The following CFAP61 variants were observed in gnomAD, a reference collection of about 807,000 sequenced individuals.
CFAP61 encodes the protein cilia- and flagella-associated protein 61.
CFAP61 carries 107 observed loss-of-function variants against 135.6 expected under a neutral mutation model. The observed-to-expected ratio is 0.79, with a 90% CI of 0.67 to 0.93. CFAP61 has a LOEUF of 0.93. Among genes scored for constraint, CFAP61 ranks in the 40% least tolerant of loss-of-function variants. CFAP61 has a pLI of 0.00. For synonymous variants in CFAP61, 575 were observed against 578.5 expected, an observed-to-expected ratio of 0.99 and a Z score of 0.09; for missense variants, 1,507 against 1,556.2, an observed-to-expected ratio of 0.97 and a Z score of 0.53.
At chr20:20,071,921 C>T (rs1441304629) in intron 3 of CFAP61, among the ~76,000 whole-genome samples, 1 of 152,000 alleles carries the variant, frequency 6.6e-6, no homozygotes, top group Non-Finnish European at 1.5e-5. Flanking sequence ...CAGTCCAATG[C>T]TTGCACCTTT....
intron 17 of CFAP61, chr20:20,221,076 A>AGG (rs879665954): frequency 3.4e-3 from 517 of 152,236 alleles, no homozygotes; most frequent in Middle Eastern, 6.8e-3. Context: ...TCATTTCTCC[A>AGG]GTTTGTGGCT....
chr20:20,337,754 A>G (rs1264046460), intron 25 of CFAP61, among the ~76,000 whole-genome samples: 1 of 152,122 alleles, frequency 6.6e-6, no homozygotes, highest in Non-Finnish European at 1.5e-5. Context: ...CATGGAGCAC[A>G]GGGGCTTTGG....
Position 20,071,154 on chromosome 20 carries a change from G to A in CFAP61, c.294+150G>A. The A allele has an allele frequency of 9.6e-6, 8 of 832,784 alleles. No individual in the cohort carries two copies. The South Asian group carries it at 1.4e-4, about 14-fold the overall frequency. The allele number at this position is 832,784 out of a possible 1,614,324, so 51.6% of individuals were successfully genotyped here. A position where few individuals can be genotyped will look rare whatever the true frequency, so the allele number is the denominator to read the frequency against. On this transcript the variant is annotated intron_variant, in intron 3 of 26. Coordinates refer to ENST00000245957, the MANE Select transcript of CFAP61 (RefSeq NM_015585.4). ...AGGGAGCTGGTGGGGAGGAAAAGAG[G>A]GCTGAGAGTAGTGCCAGGGGGGATA...
In CFAP61 at chr20:20,075,557, G is replaced by T; in HGVS notation, c.508G>T (p.Ala170Ser). 6.2e-7 allele frequency: 1 copy of T among 1,614,166 alleles called. No individual in the cohort carries two copies. Among genetic ancestry groups the T allele is most frequent in the South Asian group, 1.1e-5 (1 of 91,088 alleles). Residue 170 changes from alanine to serine, a missense_variant, in exon 6 of 27, where the codon GCA becomes TCA. Coordinates refer to ENST00000245957, the MANE Select transcript of CFAP61 (RefSeq NM_015585.4). The part of the protein sequence containing the change: ...IPCLTYEEDF[A>S]VHICHRHSHY... Reference sequence around the variant, plus strand: ...GTGTCTGACGTATGAGGAAGACTTTGCAGTGCATATATGTCACAGGCACAG... The same window carrying T: ...GTGTCTGACGTATGAGGAAGACTTTTCAGTGCATATATGTCACAGGCACAG...
chr20:20,099,146 C>CACAG (rs1455849456), intron 8 of CFAP61, among the ~76,000 whole-genome samples: 2 of 151,912 alleles, frequency 1.3e-5, no homozygotes, highest in Non-Finnish European at 2.9e-5. Flanking sequence ...CACACACACA[C>CACAG]ACACACACAA....
At chr20:20,326,916 C>A (rs1438415833) in intron 25 of CFAP61, among the ~76,000 whole-genome samples, 1 of 152,016 alleles carries the variant, frequency 6.6e-6, no homozygotes, top group Non-Finnish European at 1.5e-5. Context: ...GGAATATTAC[C>A]ATTCAGGTCT....
chr20:20,081,688 A>AAC (rs1430908265), intron 6 of CFAP61, among the ~76,000 whole-genome samples: 1 of 152,108 alleles, frequency 6.6e-6, no homozygotes, highest in Non-Finnish European at 1.5e-5. Context: ...TTCTCTTGAA[A>AAC]ACTTGAGTGC....
At chr20:20,329,044 TG>T (rs991549504) in intron 25 of CFAP61, among the ~76,000 whole-genome samples, 7 of 152,198 alleles carry the variant, frequency 4.6e-5, no homozygotes, top group Admixed American at 1.3e-4. Context: ...TGGTGGTTTT[TG>T]GCTGGTAGGA....
At chr20:20,122,425 G>T (rs2049727176) in intron 8 of CFAP61, among the ~76,000 whole-genome samples, 1 of 152,172 alleles carries the variant, frequency 6.6e-6, no homozygotes, top group Non-Finnish European at 1.5e-5. Context: ...AAAGTGCTGG[G>T]ATTATAGGCA....
At chr20:20,353,110 AG>A (rs1182915103) in intron 26 of CFAP61, among the ~76,000 whole-genome samples, 1 of 152,210 alleles carries the variant, frequency 6.6e-6, no homozygotes, top group African/African-American at 2.4e-5. Context: ...GACATACAGT[AG>A]GTCCTTGAAT....
In CFAP61 at chr20:20,292,972, C is replaced by T. The variant is rs138177589; in HGVS notation, c.3216+2581C>T. Reference sequence around the variant, plus strand: ...AGAGTGTCAGGGTCATATTGCGGGACGGTGTGTGGGATAGGGACACTGTCG... The same window carrying T: ...AGAGTGTCAGGGTCATATTGCGGGATGGTGTGTGGGATAGGGACACTGTCG... On this transcript the variant is annotated intron_variant, in intron 24 of 26. Transcript: ENST00000245957. 1.6e-3 allele frequency among the ~76,000 whole-genome samples: 249 copies of T among 151,960 alleles called. 1 individual carries two copies. The highest frequency in any genetic ancestry group is 3.4e-3 in the Middle Eastern group (1 of 294).
chr20:20,098,240 C>T (rs975854003), intron 7 of CFAP61, among the ~76,000 whole-genome samples: 9 of 152,144 alleles, frequency 5.9e-5, no homozygotes, highest in African/African-American at 2.2e-4. Context: ...AAGGTGACTG[C>T]CAAACCACCA....
In CFAP61 at chr20:20,341,822, C is replaced by T. The variant is rs1438067169; in HGVS notation, c.3423-9C>T. 1 of 1,609,088 alleles carries T rather than the reference C, an allele frequency of 6.2e-7. No homozygotes were observed. Among genetic ancestry groups the T allele is most frequent in the South Asian group, 1.1e-5 (1 of 90,694 alleles). On this transcript the variant is annotated splice_polypyrimidine_tract_variant and intron_variant, in intron 25 of 26. Coordinates refer to ENST00000245957, the MANE Select transcript of CFAP61 (RefSeq NM_015585.4). Reference sequence around the variant, plus strand: ...TGCCAGCTCACTGAGTCTCTTCTTTCCTTACCAGCTACTTCACCGAGCCGT... The same window carrying T: ...TGCCAGCTCACTGAGTCTCTTCTTTTCTTACCAGCTACTTCACCGAGCCGT...
chr20:20,059,753 G>A (rs1351728899), intron 2 of CFAP61, among the ~76,000 whole-genome samples: 1 of 152,138 alleles, frequency 6.6e-6, no homozygotes, highest in Non-Finnish European at 1.5e-5. Flanking sequence ...ATCCTTCATA[G>A]ACACAGTTGA....
intron 14 of CFAP61, among the ~76,000 whole-genome samples, chr20:20,188,804 G>A (rs1265618946): frequency 1.3e-5 from 2 of 152,202 alleles, no homozygotes; most frequent in Non-Finnish European, 2.9e-5. Context: ...CATACACCAT[G>A]TAACCAGCAC....
At chr20:20,231,428 C>T (rs556618480) in intron 18 of CFAP61, among the ~76,000 whole-genome samples, 3 of 152,094 alleles carry the variant, frequency 2.0e-5, no homozygotes, top group African/African-American at 7.3e-5. Flanking sequence ...TGCTGTCCTC[C>T]GTGCCCTCCT....
intron 8 of CFAP61, among the ~76,000 whole-genome samples, chr20:20,125,282 T>C (rs1395084192): frequency 6.6e-6 from 1 of 151,812 alleles, no homozygotes; most frequent in African/African-American, 2.4e-5. Context: ...TTGTTCTTCT[T>C]TCTCTAGTTC....
At position 20,073,499 on chromosome 20, in the gene CFAP61, T is replaced by G. The variant is rs376091860; in HGVS notation, c.295-803T>G. Among the ~76,000 whole-genome samples, 4 of 152,212 alleles carry G rather than the reference T, an allele frequency of 2.6e-5. No individual in the cohort carries two copies. The East Asian group carries it at 7.7e-4, about 29-fold the overall frequency. ...AAACAAGAAACCTAGGCAGCACCTG[T>G]GCTGTCCTGATATAGGTACCAGCAC... On this transcript the variant is annotated intron_variant, in intron 3 of 26. Coordinates refer to ENST00000245957, the MANE Select transcript of CFAP61 (RefSeq NM_015585.4).
At chr20:20,341,719 C>T (rs2058450227) in intron 25 of CFAP61, 112 bp from the exon 26 acceptor site, 3 of 665,094 alleles carry the variant, frequency 4.5e-6, no homozygotes, top group Admixed American at 3.0e-5. Flanking sequence ...TATGAGCAAA[C>T]GATTGCAATG....
Sources: gnomAD v4.1 joint callset for allele counts (sites outside exome capture counted in the v4.1 genomes callset) on GRCh38, gnomAD v4.1.1 for gene constraint, MANE v1.5 for transcripts, NCBI Gene and HGNC (gene_info 2026-07-23, HGNC 2026-07-21) for gene names.